The following MEF2A variants were observed in gnomAD, a reference collection of about 807,000 sequenced individuals.
MEF2A encodes myocyte-specific enhancer factor 2A.
MEF2A carries 28 observed loss-of-function variants against 55.8 expected under a neutral mutation model. The observed-to-expected ratio is 0.50, with a 90% CI of 0.37 to 0.69. The LOEUF (loss-of-function observed/expected upper bound fraction) is 0.69, where lower values mean the gene tolerates loss of function less well. Ranked by LOEUF, MEF2A falls within the 30% of genes least tolerant of loss-of-function variation. The pLI is 0.00. For missense variants in MEF2A, 528 were observed against 626.2 expected, an observed-to-expected ratio of 0.84 and a Z score of 1.67; for synonymous variants, 239 against 227.1, an observed-to-expected ratio of 1.05 and a Z score of -0.47.
chr15:99,654,731 C>T (rs1596843251), intron 4 of MEF2A, among the ~76,000 whole-genome samples: 1 of 152,050 alleles, frequency 6.6e-6, no homozygotes, highest in Non-Finnish European at 1.5e-5. Flanking sequence ...GCAGTGGTAG[C>T]TCTAGGCCTT....
chr15:99,605,472 G>T (rs1974730746), intron 2 of MEF2A, among the ~76,000 whole-genome samples: 1 of 152,098 alleles, frequency 6.6e-6, no homozygotes, highest in Admixed American at 6.5e-5. Flanking sequence ...GAACTATATT[G>T]TGCAAGGTGG....
chr15:99,673,350 C>T (rs1449896963), intron 5 of MEF2A, among the ~76,000 whole-genome samples: 1 of 152,118 alleles, frequency 6.6e-6, no homozygotes, highest in Non-Finnish European at 1.5e-5. Flanking sequence ...AAAGATATCG[C>T]ACAAATAAAA....
chr15:99,674,804 T>C (rs1038695307), intron 6 of MEF2A, among the ~76,000 whole-genome samples, 192 bp downstream of exon 6: 3 of 152,182 alleles, frequency 2.0e-5, no homozygotes, highest in African/African-American at 4.8e-5. Context: ...TCATGCAAAG[T>C]AGAACAGTAC....
chr15:99,669,746 A>G (rs1418742262), intron 4 of MEF2A, among the ~76,000 whole-genome samples: 1 of 152,246 alleles, frequency 6.6e-6, no homozygotes, highest in Non-Finnish European at 1.5e-5. Flanking sequence ...AATCAAAAAA[A>G]TTCTTGAATC....
rs1433396035 is a variant in MEF2A at position 99,714,612 on chromosome 15, C to T, written c.*1841C>T. Reference sequence around the variant, plus strand: ...AGGCCTTATTCTTTCAGGAAGACAACTAATGGATGATAGCAAGTTCATCCA... The same window carrying T: ...AGGCCTTATTCTTTCAGGAAGACAATTAATGGATGATAGCAAGTTCATCCA... On this transcript the variant is annotated 3_prime_UTR_variant, in exon 12 of 12. Transcript: ENST00000557942. 6.6e-6 allele frequency: 1 copy of T among 152,154 alleles called. No individual in the cohort carries two copies. The allele number at this position is 152,154 out of a possible 1,614,324, so 9.4% of individuals were successfully genotyped here.
At position 99,710,617 on chromosome 15, in the gene MEF2A, CTT is replaced by C. The variant is rs758580025; in HGVS notation, c.1010-16_1010-15del. The C allele has an allele frequency of 4.4e-6, 7 of 1,604,110 alleles. No homozygotes were observed. Among genetic ancestry groups the C allele is most frequent in the African/African-American group, 2.7e-5 (2 of 74,864 alleles). ...GACCTTCCATCATATGCAGAGCCCT[CTT>C]GTCTTCCTTTGTAGATTATTCACTG... is the stretch of plus-strand genomic sequence containing the variant. On this transcript the variant is annotated splice_polypyrimidine_tract_variant and intron_variant, in intron 10 of 11. Transcript: ENST00000557942.
chr15:99,585,914 T>G (rs1429353404), intron 1 of MEF2A, among the ~76,000 whole-genome samples: 1 of 152,154 alleles, frequency 6.6e-6, no homozygotes, highest in Non-Finnish European at 1.5e-5. Context: ...TCTTAAAAAT[T>G]TGTAGGTTTT....
At chr15:99,690,092 C>A in intron 7 of MEF2A, 149 bp from the exon 8 acceptor site, 1 of 725,428 alleles carries the variant, frequency 1.4e-6, no homozygotes, top group African/African-American at 1.8e-5. Context: ...ACTTCTGGTC[C>A]CAAGCATTTC....
At chr15:99,699,209 TGAATG>T (rs1412702302) in intron 8 of MEF2A, among the ~76,000 whole-genome samples, 1 of 152,210 alleles carries the variant, frequency 6.6e-6, no homozygotes, top group African/African-American at 2.4e-5. Flanking sequence ...CTTCAACAGA[TGAATG>T]GATAAACACA....
At chr15:99,585,073 GA>G (rs1431325261) in intron 1 of MEF2A, among the ~76,000 whole-genome samples, 2 of 152,152 alleles carry the variant, frequency 1.3e-5, no homozygotes, top group African/African-American at 4.8e-5. Context: ...TTTTAGTGGA[GA>G]TTGTATAAAA....
At chr15:99,693,780 G>C (rs770122871) in intron 8 of MEF2A, among the ~76,000 whole-genome samples, 4 of 133,704 alleles carry the variant, frequency 3.0e-5, no homozygotes, top group Non-Finnish European at 6.7e-5. Context: ...GCAAAAACTC[G>C]AGTCTACACA....
At chr15:99,575,991 T>C (rs1964147087) in intron 1 of MEF2A, among the ~76,000 whole-genome samples, 1 of 152,250 alleles carries the variant, frequency 6.6e-6, no homozygotes, top group Non-Finnish European at 1.5e-5. Context: ...TGTTGAGCAC[T>C]TTCTTGCATT....
chr15:99,715,740 A>G lies in MEF2A; in HGVS notation c.*2969A>G, dbSNP rs2153850634. ...ATTTTATTACTAAAGAACAAAAGCAAAAAAAGCTTAAATTGCACTGGTTAA... is the reference window on the plus strand; with the variant it reads ...ATTTTATTACTAAAGAACAAAAGCAGAAAAAGCTTAAATTGCACTGGTTAA... On this transcript the variant is annotated 3_prime_UTR_variant, in exon 12 of 12. Transcript: ENST00000557942. The G allele has an allele frequency of 6.6e-6, 1 of 152,338 alleles. No homozygotes were observed. Among genetic ancestry groups the G allele is most frequent in the South Asian group, 2.1e-4 (1 of 4,830 alleles). The allele number at this position is 152,338 out of a possible 1,614,324, so 9.4% of individuals were successfully genotyped here.
chr15:99,633,287 T>C, intron 3 of MEF2A, 114 bp downstream of exon 3: 1 of 662,444 alleles, frequency 1.5e-6, no homozygotes, highest in Non-Finnish European at 2.4e-6. Context: ...ATATTTTTAG[T>C]TACAGACTAA....
At chr15:99,680,437 A>T (rs1026484840) in intron 7 of MEF2A, among the ~76,000 whole-genome samples, 5 of 152,178 alleles carry the variant, frequency 3.3e-5, no homozygotes, top group Admixed American at 3.3e-4. Context: ...GGTGAAACTG[A>T]TGATCTCATG....
At chr15:99,632,713 T>C (rs1294836115) in intron 2 of MEF2A, among the ~76,000 whole-genome samples, 1 of 152,222 alleles carries the variant, frequency 6.6e-6, no homozygotes, top group Non-Finnish European at 1.5e-5. Flanking sequence ...AAGGCTTGGC[T>C]CTTGTTGCTA....
intron 5 of MEF2A, 54 bp from the exon 6 acceptor site, chr15:99,674,338 CT>C: frequency 6.7e-7 from 1 of 1,487,374 alleles, no homozygotes; most frequent in Non-Finnish European, 9.1e-7. Context: ...TCAAAAGTTA[CT>C]TTGTAGATGA....
At chr15:99,630,776 A>G (rs2042827144) in intron 2 of MEF2A, among the ~76,000 whole-genome samples, 1 of 152,200 alleles carries the variant, frequency 6.6e-6, no homozygotes, top group South Asian at 2.1e-4. Context: ...TGCGTGGGCT[A>G]GTCTGTTGCT....
In MEF2A at chr15:99,675,339, TAA is replaced by T; in HGVS notation, c.611-58_611-57del. 6.4e-6 allele frequency: 9 copies of T among 1,395,532 alleles called. 1 individual carries two copies. In the South Asian group the frequency reaches 1.0e-4, roughly 16 times the overall value. The allele number at this position is 1,395,532 out of a possible 1,614,324, so 86.4% of individuals were successfully genotyped here. ...TCTATTCAGTTCACGTTCAGTTAGGTAAAGAGAGCTAATTCATATTCATTCTC... is the reference window on the plus strand; with the variant it reads ...TCTATTCAGTTCACGTTCAGTTAGGTAGAGAGCTAATTCATATTCATTCTC... On this transcript the variant is annotated intron_variant, in intron 6 of 11. Transcript: ENST00000557942.
Sources: allele counts gnomAD v4.1 joint callset (sites outside exome capture counted in the v4.1 genomes callset), GRCh38; gene constraint gnomAD v4.1.1; transcripts MANE v1.5; gene names NCBI Gene and HGNC (gene_info 2026-07-23, HGNC 2026-07-21).